The following LURAP1L variants were observed in gnomAD, a reference collection of about 807,000 sequenced individuals.
LURAP1L encodes the protein leucine rich adaptor protein 1 like.
LURAP1L carries 12 observed loss-of-function variants against 13.8 expected under a neutral mutation model. The ratio of observed to expected loss-of-function variants is 0.87; its 90% confidence interval spans 0.56 to 1.41. LURAP1L has a LOEUF of 1.41. Among genes scored for constraint, LURAP1L ranks in the 40% most tolerant of loss-of-function variants. LURAP1L has a pLI of 0.00. For missense variants in LURAP1L, 375 were observed against 292.9 expected (o/e 1.28, Z -2.04); for synonymous variants, 139 against 119.2 (o/e 1.17, Z -1.08).
intron 1 of LURAP1L, among the ~76,000 whole-genome samples, 154 bp downstream of exon 1, chr9:12,776,181 G>C (rs1310598698): frequency 6.6e-6 from 1 of 152,152 alleles, no homozygotes; most frequent in Non-Finnish European, 1.5e-5. Context: ...AGCAGGGGGC[G>C]CTCATCCGGA....
chr9:12,822,836 T>C lies in LURAP1L; in HGVS notation c.*1076T>C, dbSNP rs1475044831. Among the ~76,000 whole-genome samples the C allele has an allele frequency of 1.3e-5, 2 of 152,188 alleles. No homozygotes were observed. Among genetic ancestry groups the C allele is most frequent in the East Asian group, 3.9e-4 (2 of 5,194 alleles). ...GCATTTCTTTTATCTTGATAACTCC[T>C]AGTGAGGGAATCTAATTAAGATTTC... On this transcript the variant is annotated 3_prime_UTR_variant, in exon 2 of 2. Transcript: ENST00000319264.
At chr9:12,787,217 C>T (rs949865494) in intron 1 of LURAP1L, among the ~76,000 whole-genome samples, 1 of 152,120 alleles carries the variant, frequency 6.6e-6, no homozygotes, top group Non-Finnish European at 1.5e-5. Context: ...TAAATGCATA[C>T]AACCATACCT....
rs531633447 is a variant in LURAP1L, at chr9:12,804,514, T to C, written c.313-16872T>C. Among the ~76,000 whole-genome samples the C allele has an allele frequency of 1.6e-3, 243 of 152,178 alleles. 2 individuals are homozygous for C. Among genetic ancestry groups the C allele is most frequent in the African/African-American group, 5.7e-3 (236 of 41,504 alleles). On this transcript the variant is annotated intron_variant, in intron 1 of 1. Transcript: ENST00000319264. The stretch of plus-strand genomic sequence containing the variant: ...TGCACCACCACTCCTGGCTAATTTT[T>C]GTGTTTTTAGTCGAAATGGAGTTTC...
At chr9:12,818,573 G>A (rs1440431637) in intron 1 of LURAP1L, among the ~76,000 whole-genome samples, 1 of 151,084 alleles carries the variant, frequency 6.6e-6, no homozygotes, top group African/African-American at 2.4e-5. Context: ...ACAAAGTTAA[G>A]CTATGTTAGG....
At chr9:12,804,400 A>T (rs985090863) in intron 1 of LURAP1L, among the ~76,000 whole-genome samples, 5 of 147,926 alleles carry the variant, frequency 3.4e-5, no homozygotes, top group African/African-American at 1.3e-4. Context: ...GCTGGAGTGC[A>T]GTGGCATGGT....
rs773394690 is a variant in LURAP1L at position 12,821,663 on chromosome 9, C to T, written c.590C>T (p.Ser197Leu). The T allele has an allele frequency of 1.5e-5, 25 of 1,614,076 alleles. No individual in the cohort carries two copies. The Admixed American group carries it at 1.8e-4, about 12-fold the overall frequency. ...ADDVPGHQTPSDLDQFSDSSL... is the reference protein window; with the variant it reads ...ADDVPGHQTPLDLDQFSDSSL... ...GATGTCCCAGGCCATCAGACCCCTT[C>T]AGACTTGGACCAATTCAGTGACAGC... The change falls in exon 2 of 2, where the codon TCA becomes TTA. Residue 197 changes from serine (S) to leucine (L), a missense_variant. By Grantham distance (145) the Ser-to-Leu change is moderately radical. Transcript: ENST00000319264.
At position 12,821,435 on chromosome 9, in the gene LURAP1L, T is replaced by C; in HGVS notation, c.362T>C (p.Ile121Thr). Residue 121 changes from isoleucine (I) to threonine (T), a missense_variant, in exon 2 of 2, where the codon ATC becomes ACC. By Grantham distance (89) the Ile-to-Thr change is moderately conservative. Coordinates refer to ENST00000319264, the MANE Select transcript of LURAP1L (RefSeq NM_203403.2). ...AGGCTCATGCGCCAGTTGCTTGTAA[T>C]CAATGAGAGCATCGAGTCCATCAAG... Reference protein sequence around the residue: ...DVRLMRQLLVINESIESIKWM... With the variant: ...DVRLMRQLLVTNESIESIKWM... 1.9e-6 allele frequency: 3 copies of C among 1,614,110 alleles called. No homozygotes were observed. Among genetic ancestry groups the C allele is most frequent in the Non-Finnish European group, 2.5e-6 (3 of 1,180,022 alleles).
chr9:12,802,031 C>T (rs1819592770), intron 1 of LURAP1L, among the ~76,000 whole-genome samples: 1 of 152,152 alleles, frequency 6.6e-6, no homozygotes, highest in Middle Eastern at 3.2e-3. Flanking sequence ...TGTTTGAGTA[C>T]TAGAAGAGTT....
Position 12,775,475 on chromosome 9 carries a change from A to T in LURAP1L, c.-241A>T. 2.1e-6 allele frequency: 1 copy of T among 486,318 alleles called. No homozygotes were observed. Among genetic ancestry groups the T allele is most frequent in the Non-Finnish European group, 3.5e-6 (1 of 287,870 alleles). 30.1% of individuals were successfully genotyped at this position (486,318 alleles called of 1,614,324 possible). A position where few individuals can be genotyped will look rare whatever the true frequency, so the allele number is the denominator to read the frequency against. On this transcript the variant is annotated 5_prime_UTR_variant, in exon 1 of 2. It removes the in-frame stop codon of an upstream open reading frame in the 5' UTR. Coordinates refer to ENST00000319264, the MANE Select transcript of LURAP1L (RefSeq NM_203403.2). ...AAAGAGAGAGAATGAGGAGATCTTG[A>T]TCATCTTAGTGTCGGAGGAGTCGCA...
At chr9:12,804,806 G>C (rs1563895280) in intron 1 of LURAP1L, among the ~76,000 whole-genome samples, 1 of 152,134 alleles carries the variant, frequency 6.6e-6, no homozygotes, top group Non-Finnish European at 1.5e-5. Context: ...ATTAGGAAAG[G>C]TAGTCCGAGT....
chr9:12,776,391 G>A (rs1265519614), intron 1 of LURAP1L, among the ~76,000 whole-genome samples: 1 of 152,158 alleles, frequency 6.6e-6, no homozygotes, highest in African/African-American at 2.4e-5. Flanking sequence ...AAGGCCTGCT[G>A]TGCGCTGTTA....
At chr9:12,781,670 C>A (rs1449637562) in intron 1 of LURAP1L, among the ~76,000 whole-genome samples, 5 of 152,306 alleles carry the variant, frequency 3.3e-5, no homozygotes, top group African/African-American at 1.2e-4. Context: ...TTGATGGACA[C>A]AGGTTGCTTG....
In LURAP1L at chr9:12,783,968, C is replaced by T. The variant is rs868096380; in HGVS notation, c.312+7941C>T. ...CCTTGATCAGTTCTGTTGAGAGACT[C>T]GAATGCATTCTTCAGTATGTCAATT... On this transcript the variant is annotated intron_variant, in intron 1 of 1. Coordinates refer to ENST00000319264, the MANE Select transcript of LURAP1L (RefSeq NM_203403.2). Among the ~76,000 whole-genome samples, 11 of 151,854 alleles carry T rather than the reference C, an allele frequency of 7.2e-5. 1 individual carries two copies. In the South Asian group the frequency reaches 1.0e-3, roughly 14 times the overall value.
intron 1 of LURAP1L, among the ~76,000 whole-genome samples, chr9:12,778,891 T>C (rs1447387861): frequency 6.6e-6 from 1 of 152,182 alleles, no homozygotes; most frequent in African/African-American, 2.4e-5. Context: ...GGGAGATATG[T>C]TCCAAGACCT....
chr9:12,786,278 T>G (rs1256412220), intron 1 of LURAP1L, among the ~76,000 whole-genome samples: 1 of 151,834 alleles, frequency 6.6e-6, no homozygotes, highest in Non-Finnish European at 1.5e-5. Context: ...CCCCAACTAG[T>G]TGCTAATTAT....
Position 12,775,427 on chromosome 9 carries a change from C to T in LURAP1L, c.-289C>T. ...CCTCTGTCTGCAATATCAGTGAACT[C>T]AACTTTGCAGTGAGGTGGCCAAAAA... On this transcript the variant is annotated 5_prime_UTR_variant, in exon 1 of 2. Transcript: ENST00000319264. The T allele has an allele frequency of 2.6e-6, 1 of 385,718 alleles. No homozygotes were observed. Among genetic ancestry groups the T allele is most frequent in the Non-Finnish European group, 4.6e-6 (1 of 219,762 alleles). The allele number at this position is 385,718 out of a possible 1,614,324, so 23.9% of individuals were successfully genotyped here.
At chr9:12,806,427 A>G (rs186683646) in intron 1 of LURAP1L, among the ~76,000 whole-genome samples, 57 of 152,180 alleles carry the variant, frequency 3.7e-4, no homozygotes, top group African/African-American at 1.3e-3. Context: ...CATTTCTTCA[A>G]GACACAAATC....
intron 1 of LURAP1L, among the ~76,000 whole-genome samples, chr9:12,793,227 G>T (rs1305002214): frequency 6.6e-6 from 1 of 151,924 alleles, no homozygotes; most frequent in East Asian, 1.9e-4. Flanking sequence ...TTACCACCCT[G>T]TCTACCAATG....
rs1409845428 is a variant in LURAP1L at position 12,775,422 on chromosome 9, G to A, written c.-294G>A. ...TTCCCCCTCTGTCTGCAATATCAGT[G>A]AACTCAACTTTGCAGTGAGGTGGCC... On this transcript the variant is annotated 5_prime_UTR_variant, in exon 1 of 2. Coordinates refer to ENST00000319264, the MANE Select transcript of LURAP1L (RefSeq NM_203403.2). 8.8e-5 allele frequency: 33 copies of A among 373,074 alleles called. No individual in the cohort carries two copies. The highest frequency in any genetic ancestry group is 1.5e-4 in the Non-Finnish European group (32 of 211,844). 23.1% of individuals were successfully genotyped at this position (373,074 alleles called of 1,614,324 possible).
Sources: gnomAD v4.1 joint callset for allele counts (sites outside exome capture counted in the v4.1 genomes callset) on GRCh38, gnomAD v4.1.1 for gene constraint, MANE v1.5 for transcripts, NCBI Gene and HGNC (gene_info 2026-07-23, HGNC 2026-07-21) for gene names.